The following XKR4 variants were observed in gnomAD, a reference collection of about 807,000 sequenced individuals.
XKR4 encodes XK related 4.
In XKR4, 12 loss-of-function variants were observed where a neutral mutation model predicts 53.9. That is an observed-to-expected ratio of 0.22 (90% CI 0.14 to 0.36). XKR4 has a LOEUF of 0.36. Ranked by LOEUF, XKR4 falls within the 10% of genes least tolerant of loss-of-function variation. The probability of loss-of-function intolerance (pLI) is 1.00; values close to 1 mark genes in which losing one functional copy is unlikely to be tolerated. For missense variants in XKR4, 799 were observed against 859.5 expected (o/e 0.93, Z 0.88); for synonymous variants, 354 against 362.4 (o/e 0.98, Z 0.26).
intron 1 of XKR4, among the ~76,000 whole-genome samples, chr8:55,253,921 A>G (rs557307095): frequency 6.6e-6 from 1 of 151,654 alleles, no homozygotes; most frequent in South Asian, 2.1e-4. Context: ...GAGTTTCACC[A>G]CATTGCCCAG....
At chr8:55,471,409 G>A (rs770326756) in intron 2 of XKR4, among the ~76,000 whole-genome samples, 3 of 152,056 alleles carry the variant, frequency 2.0e-5, no homozygotes, top group Non-Finnish European at 4.4e-5. Context: ...GCATCAGCAC[G>A]GTGTGGAAAT....
chr8:55,338,922 G>A (rs1171113932), intron 1 of XKR4, among the ~76,000 whole-genome samples: 2 of 152,220 alleles, frequency 1.3e-5, no homozygotes, highest in African/African-American at 4.8e-5. Flanking sequence ...TGAGCAATAA[G>A]TAAATTGAAC....
At chr8:55,455,199 C>A in intron 2 of XKR4, 1 of 455,174 alleles carries the variant, frequency 2.2e-6, no homozygotes, top group South Asian at 1.9e-5. Flanking sequence ...CGCTCATGGC[C>A]CGGGCCTGGC....
At position 55,118,820 on chromosome 8, in the gene XKR4, A is replaced by G. The variant is rs556381008; in HGVS notation, c.806+15526A>G. ...TAGTTAAATGATTTTATTGCAAAGT[A>G]TGTTTTTTTTTGGAGAGACTAGGTG... On this transcript the variant is annotated intron_variant, in intron 1 of 2. Coordinates refer to ENST00000327381, the MANE Select transcript of XKR4 (RefSeq NM_052898.2). Among the ~76,000 whole-genome samples, 13 of 152,224 alleles carry G rather than the reference A, an allele frequency of 8.5e-5. No individual in the cohort carries two copies. The South Asian group carries it at 1.5e-3, about 17-fold the overall frequency.
chr8:55,532,145 GAAGA>G lies in XKR4; in HGVS notation c.*7922_*7925del, dbSNP rs1348190180. On this transcript the variant is annotated 3_prime_UTR_variant, in exon 3 of 3. Transcript: ENST00000327381. The stretch of plus-strand genomic sequence containing the variant: ...CCTCTAAGGAGTAGAAGAAAAGAGA[GAAGA>G]AAGTATATTAACTTTTATGAGTACA... The G allele has an allele frequency of 6.6e-6, 1 of 152,208 alleles. No individual in the cohort carries two copies. Among genetic ancestry groups the G allele is most frequent in the Non-Finnish European group, 1.5e-5 (1 of 68,038 alleles). 9.4% of individuals were successfully genotyped at this position (152,208 alleles called of 1,614,324 possible). A position where few individuals can be genotyped will look rare whatever the true frequency, so the allele number is the denominator to read the frequency against.
chr8:55,230,424 G>A (rs1818019693), intron 1 of XKR4, among the ~76,000 whole-genome samples: 1 of 150,020 alleles, frequency 6.7e-6, no homozygotes, highest in African/African-American at 2.5e-5. Flanking sequence ...GTGCAGTGGT[G>A]CAAGCTCAGC....
intron 1 of XKR4, among the ~76,000 whole-genome samples, chr8:55,124,104 T>G (rs1816428862): frequency 6.6e-6 from 1 of 152,202 alleles, no homozygotes; most frequent in Non-Finnish European, 1.5e-5. Context: ...AGCTGTCATC[T>G]TAACACCATG....
chr8:55,202,026 C>T (rs1407010769), intron 1 of XKR4, among the ~76,000 whole-genome samples: 6 of 152,102 alleles, frequency 3.9e-5, no homozygotes, highest in Admixed American at 1.3e-4. Flanking sequence ...CTTTATTACC[C>T]GCATTAAAGA....
At chr8:55,315,342 C>T (rs960467513) in intron 1 of XKR4, among the ~76,000 whole-genome samples, 25 of 152,110 alleles carry the variant, frequency 1.6e-4, no homozygotes, top group African/African-American at 4.3e-4. Context: ...TTGGGTTTTC[C>T]GCCCAGCCTT....
At position 55,500,181 on chromosome 8, in the gene XKR4, C is replaced by CAAAAAAAAAA. The variant is rs36233927; in HGVS notation, c.1007-23085_1007-23076dup. Among the ~76,000 whole-genome samples, 37 of 115,578 alleles carry CAAAAAAAAAA rather than the reference C, an allele frequency of 3.2e-4. 1 individual carries two copies. The highest frequency in any genetic ancestry group is 1.5e-3 in the African/African-American group (37 of 25,224). The allele number at this position is 115,578 out of a possible 152,430, so 75.8% of individuals were successfully genotyped here. On this transcript the variant is annotated intron_variant, in intron 2 of 2. Coordinates refer to ENST00000327381, the MANE Select transcript of XKR4 (RefSeq NM_052898.2). ...AAGCATCTGCTCCTTCAAATTGGGC[C>CAAAAAAAAAA]AAAAAAAAAAAAAAAAAAAAAAAAC...
chr8:55,419,401 CACA>C (rs1366009484), intron 2 of XKR4, among the ~76,000 whole-genome samples: 2 of 152,260 alleles, frequency 1.3e-5, no homozygotes, highest in East Asian at 3.9e-4. Flanking sequence ...TCTTCCATGA[CACA>C]ACACCTCATT....
chr8:55,299,288 C>G lies in XKR4; in HGVS notation c.807-58390C>G, dbSNP rs183252666. ...GAGATATTTCTGGCAGCCTGAGGAG[C>G]ACAAGGCTGAGAGAACAAGAGGGAG... is the stretch of plus-strand genomic sequence containing the variant. On this transcript the variant is annotated intron_variant, in intron 1 of 2. Transcript: ENST00000327381. 4.9e-4 allele frequency among the ~76,000 whole-genome samples: 75 copies of G among 152,250 alleles called. 1 individual carries two copies. Among genetic ancestry groups the G allele is most frequent in the African/African-American group, 1.5e-3 (62 of 41,544 alleles).
At chr8:55,472,833 G>C (rs1805910874) in intron 2 of XKR4, among the ~76,000 whole-genome samples, 1 of 152,104 alleles carries the variant, frequency 6.6e-6, no homozygotes, top group African/African-American at 2.4e-5. Flanking sequence ...GGCACCACAG[G>C]TAGATTTATG....
chr8:55,368,990 C>T (rs1804032116), intron 2 of XKR4, among the ~76,000 whole-genome samples: 1 of 152,118 alleles, frequency 6.6e-6, no homozygotes, highest in Non-Finnish European at 1.5e-5. Context: ...TTCCCTATTA[C>T]ACATATTATT....
intron 1 of XKR4, among the ~76,000 whole-genome samples, chr8:55,186,537 C>T (rs368013970): frequency 1.3e-5 from 2 of 151,886 alleles, no homozygotes; most frequent in Non-Finnish European, 2.9e-5. Context: ...GCGCTTGTAG[C>T]CCCAGCTACT....
At chr8:55,334,802 T>G (rs1247852224) in intron 1 of XKR4, among the ~76,000 whole-genome samples, 1 of 152,080 alleles carries the variant, frequency 6.6e-6, no homozygotes, top group Non-Finnish European at 1.5e-5. Context: ...AAAACAAAAT[T>G]TCCCTCAGAC....
chr8:55,411,813 C>G lies in XKR4; in HGVS notation c.1006+53936C>G, dbSNP rs151184296. On this transcript the variant is annotated intron_variant, in intron 2 of 2. Coordinates refer to ENST00000327381, the MANE Select transcript of XKR4 (RefSeq NM_052898.2). ...ATCACTCTCAGTGGGCGCCTGAGCC[C>G]CTCAGGCCCAGCACTGCCTGACAGC... Among the ~76,000 whole-genome samples, 7 of 152,252 alleles carry G rather than the reference C, an allele frequency of 4.6e-5. No homozygotes were observed. The East Asian group carries it at 1.4e-3, about 29-fold the overall frequency.
intron 2 of XKR4, among the ~76,000 whole-genome samples, chr8:55,359,192 T>C (rs1178287389): frequency 6.6e-6 from 1 of 152,240 alleles, no homozygotes; most frequent in Non-Finnish European, 1.5e-5. Context: ...GAAGGCCGTG[T>C]GAATTAGTTG....
At chr8:55,285,064 T>A (rs764664294) in intron 1 of XKR4, among the ~76,000 whole-genome samples, 2 of 152,242 alleles carry the variant, frequency 1.3e-5, no homozygotes, top group Non-Finnish European at 2.9e-5. Context: ...CATATCACAC[T>A]GCTGTTCACA....
Sources: allele counts gnomAD v4.1 joint callset (sites outside exome capture counted in the v4.1 genomes callset), GRCh38; gene constraint gnomAD v4.1.1; transcripts MANE v1.5; gene names NCBI Gene and HGNC (gene_info 2026-07-23, HGNC 2026-07-21).